Variants in GDAP1 observed in about 807,000 individuals in gnomAD.
GDAP1 encodes ganglioside induced differentiation associated protein 1.
A neutral mutation model predicts 40.1 loss-of-function variants in GDAP1; 34 were observed. That is an observed-to-expected ratio of 0.85 (90% confidence interval 0.64 to 1.13). The LOEUF (loss-of-function observed/expected upper bound fraction) is 1.13. GDAP1 is among the 50% of genes most tolerant of loss of function. The pLI is 0.00. For synonymous variants in GDAP1, 170 were observed against 157.4 expected (o/e 1.08, Z -0.60); for missense variants, 374 against 433.7 (o/e 0.86, Z 1.22).
intron 2 of GDAP1, among the ~76,000 whole-genome samples, chr8:74,392,923 G>A (rs1004310142): frequency 6.6e-6 from 1 of 152,108 alleles, no homozygotes; most frequent in Non-Finnish European, 1.5e-5. Context: ...AAATCTACAG[G>A]GTCAAGACAT....
chr8:74,476,397 T>C (rs1027298781), intron 2 of GDAP1, among the ~76,000 whole-genome samples: 1 of 152,142 alleles, frequency 6.6e-6, no homozygotes, highest in African/African-American at 2.4e-5. Context: ...TGTGTATTCA[T>C]GTGTTTTTGC....
chr8:74,434,440 A>G (rs183398227), intron 2 of GDAP1, among the ~76,000 whole-genome samples: 2 of 152,320 alleles, frequency 1.3e-5, no homozygotes, highest in East Asian at 3.9e-4. Context: ...AAGATTTAAA[A>G]TGAAGGTACT....
chr8:74,369,115 G>C (rs541284632), downstream of GDAP1, among the ~76,000 whole-genome samples: 1 of 152,166 alleles, frequency 6.6e-6, no homozygotes, highest in Admixed American at 6.5e-5. Context: ...AGGACAAAAC[G>C]TACACAGTTT....
At chr8:74,463,511 G>A (rs1048517685) in intron 2 of GDAP1, among the ~76,000 whole-genome samples, 6 of 151,874 alleles carry the variant, frequency 4.0e-5, no homozygotes, top group Admixed American at 2.6e-4. Flanking sequence ...ACAATATGCT[G>A]GAATGTGTCC....
intron 2 of GDAP1, among the ~76,000 whole-genome samples, chr8:74,392,477 G>A (rs1810125081): frequency 6.6e-6 from 1 of 151,070 alleles, no homozygotes; most frequent in Admixed American, 6.6e-5. Flanking sequence ...AGTGGAAAAT[G>A]TTTTCCTGAT....
At chr8:74,476,420 T>C (rs1586847082) in intron 2 of GDAP1, among the ~76,000 whole-genome samples, 1 of 152,184 alleles carries the variant, frequency 6.6e-6, no homozygotes, top group African/African-American at 2.4e-5. Flanking sequence ...TGGCCAATAA[T>C]GGTCTTTCCT....
At chr8:74,374,070 C>A (rs1033644507) in intron 2 of GDAP1, among the ~76,000 whole-genome samples, 2 of 152,156 alleles carry the variant, frequency 1.3e-5, no homozygotes, top group African/African-American at 4.8e-5. Flanking sequence ...TATTGATTGG[C>A]GTACGTTGAA....
intron 2 of GDAP1, among the ~76,000 whole-genome samples, chr8:74,394,603 AT>A (rs1030553345): frequency 2.6e-5 from 4 of 151,916 alleles, no homozygotes; most frequent in African/African-American, 9.7e-5. Context: ...AGAGTTAGTC[AT>A]TTTTTTTAAA....
At chr8:74,442,957 A>C (rs1056568344) in intron 2 of GDAP1, among the ~76,000 whole-genome samples, 2 of 152,220 alleles carry the variant, frequency 1.3e-5, no homozygotes, top group African/African-American at 4.8e-5. Context: ...CAAATGGAGC[A>C]CCACCTTTTA....
intron 2 of GDAP1, among the ~76,000 whole-genome samples, chr8:74,434,866 T>A (rs1002791087): frequency 4.6e-5 from 7 of 152,194 alleles, no homozygotes; most frequent in Non-Finnish European, 7.3e-5. Flanking sequence ...CAGAATTGGG[T>A]TTAAACATAG....
intron 2 of GDAP1, among the ~76,000 whole-genome samples, chr8:74,431,211 A>C (rs983609172): frequency 1.9e-4 from 29 of 150,930 alleles, no homozygotes; most frequent in African/African-American, 7.1e-4. Flanking sequence ...CTAATTGGAA[A>C]TGTGAACATA....
In GDAP1 at chr8:74,469,499, T is replaced by A. The variant is rs199730717; in HGVS notation, c.166-19179T>A. ...TTGGCTAACACGATGAAACCCCGTC[T>A]CTACTAAAAATACAAAAAATTAGCC... is the stretch of plus-strand genomic sequence containing the variant. On this transcript the variant is annotated intron_variant, in intron 2 of 2. Coordinates refer to the GDAP1 transcript ENST00000523640. Among the ~76,000 whole-genome samples the A allele has an allele frequency of 7.9e-5, 12 of 151,676 alleles. No homozygotes were observed. In the East Asian group the frequency reaches 2.3e-3, roughly 30 times the overall value.
chr8:74,393,900 A>T (rs1381171461), intron 2 of GDAP1, among the ~76,000 whole-genome samples: 2 of 152,144 alleles, frequency 1.3e-5, no homozygotes, highest in Non-Finnish European at 2.9e-5. Context: ...TGTTTGGATA[A>T]TTTTTGAGAC....
chr8:74,476,808 T>C (rs1444764456), intron 2 of GDAP1, among the ~76,000 whole-genome samples: 1 of 152,246 alleles, frequency 6.6e-6, no homozygotes, highest in African/African-American at 2.4e-5. Context: ...CTCTGAATTT[T>C]CTGAACTTGA....
chr8:74,467,509 A>G (rs1479353784), intron 2 of GDAP1, among the ~76,000 whole-genome samples: 3 of 152,206 alleles, frequency 2.0e-5, no homozygotes, highest in African/African-American at 7.2e-5. Flanking sequence ...TTAAGTGGGT[A>G]AGTTCAGTGA....
chr8:74,371,456 C>T (rs1200990934), downstream of GDAP1, among the ~76,000 whole-genome samples: 2 of 151,888 alleles, frequency 1.3e-5, no homozygotes, highest in Non-Finnish European at 2.9e-5. Context: ...GTCAGGAGAT[C>T]GAGACCATTC....
intron 2 of GDAP1, among the ~76,000 whole-genome samples, chr8:74,459,438 G>T (rs1806373694): frequency 6.6e-6 from 1 of 152,126 alleles, no homozygotes. Context: ...GACCTCTGTG[G>T]ATAGTAATTC....
chr8:74,378,080 A>G (rs941314306), intron 2 of GDAP1, among the ~76,000 whole-genome samples: 6 of 152,182 alleles, frequency 3.9e-5, no homozygotes, highest in African/African-American at 9.7e-5. Context: ...AACTTGTCCT[A>G]TGTCTGACAT....
At chr8:74,437,091 A>G (rs1487710307) in intron 2 of GDAP1, among the ~76,000 whole-genome samples, 2 of 152,228 alleles carry the variant, frequency 1.3e-5, no homozygotes, top group East Asian at 3.8e-4. Flanking sequence ...ACAACTGAAC[A>G]GTGTAAGAAG....
Sources: allele counts gnomAD v4.1 joint callset (sites outside exome capture counted in the v4.1 genomes callset), GRCh38; gene constraint gnomAD v4.1.1; transcripts MANE v1.5; gene names NCBI Gene and HGNC (gene_info 2026-07-23, HGNC 2026-07-21).